The following PLCZ1 variants were observed in gnomAD, a reference collection of about 807,000 sequenced individuals.
The protein encoded by PLCZ1 is phospholipase C zeta 1.
A neutral mutation model predicts 76.8 loss-of-function variants in PLCZ1; 64 were observed. The ratio of observed to expected loss-of-function variants is 0.83; its 90% CI spans 0.68 to 1.03. The LOEUF is 1.03. Ranked by LOEUF, PLCZ1 falls within the 50% of genes least tolerant of loss-of-function variation. PLCZ1 has a pLI of 0.00. For synonymous variants in PLCZ1, 248 were observed against 230.8 expected (o/e 1.07, Z -0.68); for missense variants, 751 against 713.7 (o/e 1.05, Z -0.60).
chr12:18,730,253 C>T (rs536794512), intron 3 of PLCZ1, among the ~76,000 whole-genome samples: 10 of 152,016 alleles, frequency 6.6e-5, no homozygotes, highest in Non-Finnish European at 1.3e-4. Flanking sequence ...AAAAAATTAG[C>T]AACAAGAGTT....
the PLCZ1 span, among the ~76,000 whole-genome samples, chr12:18,651,692 C>G: frequency 6.6e-6 from 1 of 152,126 alleles, no homozygotes; most frequent in Non-Finnish European, 1.5e-5. Context: ...AAGGCCTTTT[C>G]TCTAGATCCA....
the PLCZ1 span, among the ~76,000 whole-genome samples, chr12:18,652,919 T>C: frequency 6.6e-6 from 1 of 151,716 alleles, no homozygotes; most frequent in Non-Finnish European, 1.5e-5. Context: ...AGAATATACA[T>C]ATTCTGTCTC....
At chr12:18,708,730 T>C (rs1466634784) in intron 6 of PLCZ1, among the ~76,000 whole-genome samples, 1 of 152,184 alleles carries the variant, frequency 6.6e-6, no homozygotes, top group Non-Finnish European at 1.5e-5. Flanking sequence ...TGGTATCTCA[T>C]AGTGGTTTTG....
At chr12:18,655,364 C>A in the PLCZ1 span, among the ~76,000 whole-genome samples, 1 of 151,932 alleles carries the variant, frequency 6.6e-6, no homozygotes, top group East Asian at 1.9e-4. Context: ...AAATTATAGC[C>A]TGAAGTATAA....
At chr12:18,658,416 T>A in the PLCZ1 span, among the ~76,000 whole-genome samples, 1 of 151,854 alleles carries the variant, frequency 6.6e-6, no homozygotes, top group Non-Finnish European at 1.5e-5. Flanking sequence ...AAGCAAAAGA[T>A]AAAGAATCGT....
At chr12:18,722,721 T>C (rs1285942639) in intron 4 of PLCZ1, among the ~76,000 whole-genome samples, 2 of 152,100 alleles carry the variant, frequency 1.3e-5, no homozygotes. Flanking sequence ...CTATGACAGA[T>C]CGTTAGCCTA....
At chr12:18,719,953 C>A (rs1958342916) in intron 4 of PLCZ1, among the ~76,000 whole-genome samples, 1 of 152,050 alleles carries the variant, frequency 6.6e-6, no homozygotes, top group Admixed American at 6.6e-5. Context: ...GACTGGCACA[C>A]AGGTTGAGGA....
intron 13 of PLCZ1, among the ~76,000 whole-genome samples, chr12:18,686,960 T>C (rs1394894151): frequency 2.0e-5 from 3 of 151,970 alleles, no homozygotes; most frequent in Non-Finnish European, 4.4e-5. Context: ...ATTGAATAAA[T>C]TAAGTTTCTA....
chr12:18,666,982 C>G, the PLCZ1 span, among the ~76,000 whole-genome samples: 1 of 152,142 alleles, frequency 6.6e-6, no homozygotes, highest in African/African-American at 2.4e-5. Context: ...GAGAAAGTAG[C>G]AATCATGGCC....
chr12:18,724,641 T>C (rs1958644250), intron 3 of PLCZ1, among the ~76,000 whole-genome samples: 3 of 152,086 alleles, frequency 2.0e-5, no homozygotes, highest in Admixed American at 1.3e-4. Flanking sequence ...AAGTAATTCA[T>C]GCGTATTGTT....
downstream of PLCZ1, among the ~76,000 whole-genome samples, chr12:18,679,799 G>T (rs573096612): frequency 1.1e-4 from 16 of 151,920 alleles, no homozygotes; most frequent in Non-Finnish European, 1.8e-4. Context: ...TAGAAAAAGG[G>T]CACTTATCCC....
intron 2 of PLCZ1, 52 bp from the exon 3 acceptor site, chr12:18,736,396 T>G: frequency 6.4e-7 from 1 of 1,557,994 alleles, no homozygotes; most frequent in Non-Finnish European, 8.8e-7. Context: ...ATTGAATATT[T>G]AAAATTCCTA....
intron 3 of PLCZ1, among the ~76,000 whole-genome samples, chr12:18,729,165 T>G (rs377654694): frequency 6.6e-6 from 1 of 152,118 alleles, no homozygotes; most frequent in Non-Finnish European, 1.5e-5. Context: ...TTCCATCATC[T>G]GGCTATAACT....
intron 7 of PLCZ1, 150 bp from the exon 8 acceptor site, chr12:18,701,926 C>G (rs1014142571): frequency 8.6e-7 from 1 of 1,163,438 alleles, no homozygotes; most frequent in Non-Finnish European, 1.2e-6. Context: ...CTATTCACAT[C>G]TCAGTAGAGG....
At chr12:18,715,584 T>G (rs1281995977) in intron 5 of PLCZ1, 2 of 152,170 alleles carry the variant, frequency 1.3e-5, no homozygotes, top group African/African-American at 4.8e-5. Flanking sequence ...GTATTTTTAG[T>G]AGAAACGGGG....
At chr12:18,723,252 A>G in intron 4 of PLCZ1, 59 bp downstream of exon 4, 1 of 1,462,492 alleles carries the variant, frequency 6.8e-7, no homozygotes, top group African/African-American at 1.4e-5. Flanking sequence ...TAATTTTTGA[A>G]AAAAGAAAAA....
chr12:18,702,564 C>G (rs71461100), intron 7 of PLCZ1, among the ~76,000 whole-genome samples: 5,457 of 152,198 alleles, frequency 0.036, 136 homozygotes, highest in East Asian at 0.083. Context: ...TCAAATTATT[C>G]CATCATCTTG....
intron 7 of PLCZ1, 147 bp from the exon 8 acceptor site, chr12:18,701,923 C>A: frequency 8.5e-7 from 1 of 1,178,246 alleles, no homozygotes; most frequent in Non-Finnish European, 1.2e-6. Flanking sequence ...CCCCTATTCA[C>A]ATCTCAGTAG....
intron 7 of PLCZ1, among the ~76,000 whole-genome samples, chr12:18,704,552 C>T (rs1956354973): frequency 6.6e-6 from 1 of 152,012 alleles, no homozygotes; most frequent in South Asian, 2.1e-4. Flanking sequence ...GTTGTGAACT[C>T]CTAACCTCAG....
Sources: allele counts gnomAD v4.1 joint callset (sites outside exome capture counted in the v4.1 genomes callset), GRCh38; gene constraint gnomAD v4.1.1; transcripts MANE v1.5; gene names NCBI Gene and HGNC (gene_info 2026-07-23, HGNC 2026-07-21).